SAMMSON: variants seen among roughly 807,000 people sequenced by gnomAD.
The protein encoded by SAMMSON is long intergenic non-protein coding RNA 1212.
intron 7 of SAMMSON, among the ~76,000 whole-genome samples, chr3:70,340,468 A>AT (rs1321156919): frequency 1.3e-5 from 2 of 151,972 alleles, no homozygotes; most frequent in African/African-American, 4.8e-5. Context: ...GGGAACTTGG[A>AT]TTTTTGGAAG....
In SAMMSON at chr3:70,016,433, G is replaced by A. The variant is rs542225414; in HGVS notation, n.417+2761G>A. On this transcript the variant is annotated intron_variant and non_coding_transcript_variant, in intron 3 of 9. Coordinates refer to ENST00000642114, the Ensembl canonical transcript of SAMMSON. ...CTTTCACTCACTTTGTGATGGGGTT[G>A]TTTGTTTTTTTCGTGTAACTTTGTT... Among the ~76,000 whole-genome samples the A allele has an allele frequency of 7.6e-4, 116 of 152,216 alleles. 1 individual carries two copies. Among genetic ancestry groups the A allele is most frequent in the Non-Finnish European group, 1.4e-3 (93 of 68,008 alleles).
intron 4 of SAMMSON, among the ~76,000 whole-genome samples, chr3:70,122,672 CAG>C (rs1196925793): frequency 4.6e-5 from 7 of 152,170 alleles, no homozygotes; most frequent in Admixed American, 1.3e-4. Context: ...AGCTGTGAAA[CAG>C]AAGATTTTTC....
At chr3:70,285,932 G>C (rs1377476935) in intron 6 of SAMMSON, among the ~76,000 whole-genome samples, 4 of 150,706 alleles carry the variant, frequency 2.7e-5, no homozygotes, top group Admixed American at 6.6e-5. Flanking sequence ...AAATTTGTTT[G>C]AGTTCATTGT....
At chr3:70,002,411 G>A (rs1050958085) in intron 1 of SAMMSON, among the ~76,000 whole-genome samples, 3 of 152,038 alleles carry the variant, frequency 2.0e-5, no homozygotes, top group Non-Finnish European at 4.4e-5. Flanking sequence ...GGTAATTCTC[G>A]TTGAATTTAC....
chr3:70,394,387 T>G (rs1339803228), downstream of SAMMSON, among the ~76,000 whole-genome samples: 3 of 152,108 alleles, frequency 2.0e-5, no homozygotes, highest in Admixed American at 1.3e-4. Context: ...CATGCCATAT[T>G]GGAGCCAAAA....
At position 70,153,358 on chromosome 3, in the gene SAMMSON, A is replaced by G. The variant is rs528070252; in HGVS notation, n.507+81793A>G. Among the ~76,000 whole-genome samples, 71 of 152,104 alleles carry G rather than the reference A, an allele frequency of 4.7e-4. No homozygotes were observed. In the South Asian group the frequency reaches 0.01, roughly 22 times the overall value. On this transcript the variant is annotated intron_variant and non_coding_transcript_variant, in intron 4 of 9. Coordinates refer to ENST00000642114, the Ensembl canonical transcript of SAMMSON. ...TTACAATGTCAGTGAAATTTTCCCT[A>G]TTAATGCTCAGGATTTTCTGTTTGG...
intron 2 of SAMMSON, among the ~76,000 whole-genome samples, chr3:70,406,786 G>A (rs963951982): frequency 3.9e-5 from 6 of 152,148 alleles, no homozygotes; most frequent in African/African-American, 1.2e-4. Flanking sequence ...CCTAAAAAAG[G>A]CAGTAAAAGA....
chr3:70,273,400 G>T (rs957065418), intron 6 of SAMMSON, among the ~76,000 whole-genome samples: 36 of 152,300 alleles, frequency 2.4e-4, no homozygotes, highest in East Asian at 1.9e-4. Context: ...AGTCTTAAAA[G>T]CTTCAGGATG....
At chr3:70,079,686 G>T (rs2067261165) in intron 4 of SAMMSON, among the ~76,000 whole-genome samples, 1 of 152,174 alleles carries the variant, frequency 6.6e-6, no homozygotes, top group African/African-American at 2.4e-5. Context: ...ATGTTTGGTA[G>T]GTTAGGCATA....
intron 4 of SAMMSON, among the ~76,000 whole-genome samples, chr3:70,197,800 A>T (rs1164889512): frequency 6.6e-6 from 1 of 152,122 alleles, no homozygotes; most frequent in Admixed American, 6.5e-5. Context: ...TAAAGCCTTG[A>T]TTTTATATTC....
chr3:70,404,244 T>C (rs747032447), intron 2 of SAMMSON, among the ~76,000 whole-genome samples: 3 of 152,158 alleles, frequency 2.0e-5, no homozygotes, highest in Admixed American at 6.5e-5. Flanking sequence ...TTGCTCATAT[T>C]CTTTTTGGGG....
intron 7 of SAMMSON, among the ~76,000 whole-genome samples, chr3:70,334,382 T>C (rs1006502480): frequency 3.3e-5 from 5 of 152,020 alleles, no homozygotes; most frequent in Non-Finnish European, 7.4e-5. Context: ...ATATGTGATA[T>C]ATACATGTAA....
chr3:70,182,803 A>G (rs926071608), intron 4 of SAMMSON, among the ~76,000 whole-genome samples: 1 of 152,154 alleles, frequency 6.6e-6, no homozygotes, highest in African/African-American at 2.4e-5. Flanking sequence ...TTCATTATGA[A>G]TGAACATTTA....
chr3:70,043,974 C>T (rs2067114834), intron 3 of SAMMSON, among the ~76,000 whole-genome samples: 1 of 151,848 alleles, frequency 6.6e-6, no homozygotes, highest in Non-Finnish European at 1.5e-5. Flanking sequence ...TTTAGGTATT[C>T]CTTTTTTGTT....
At chr3:70,210,601 A>T (rs866559055) in intron 4 of SAMMSON, among the ~76,000 whole-genome samples, 2 of 152,180 alleles carry the variant, frequency 1.3e-5, no homozygotes, top group Non-Finnish European at 2.9e-5. Flanking sequence ...AAGTAGAAAC[A>T]TAAAAAGTAG....
At chr3:70,046,817 A>G (rs988259165) in intron 3 of SAMMSON, among the ~76,000 whole-genome samples, 2 of 152,090 alleles carry the variant, frequency 1.3e-5, no homozygotes, top group Non-Finnish European at 2.9e-5. Flanking sequence ...GAAGTGGCCC[A>G]CATTCTTTGT....
chr3:70,361,665 T>C (rs1346354090), intron 9 of SAMMSON, among the ~76,000 whole-genome samples: 1 of 152,148 alleles, frequency 6.6e-6, no homozygotes, highest in Non-Finnish European at 1.5e-5. Context: ...AAATACAAAG[T>C]TGTGCATACT....
At chr3:70,206,907 CAAAT>C (rs958268032) in intron 4 of SAMMSON, 47 of 393,628 alleles carry the variant, frequency 1.2e-4, no homozygotes, top group Non-Finnish European at 7.2e-5. Context: ...CTTAAGAAAA[CAAAT>C]GAAGTATTAT....
intron 3 of SAMMSON, among the ~76,000 whole-genome samples, chr3:70,025,651 G>A (rs1165579606): frequency 1.3e-5 from 2 of 152,202 alleles, no homozygotes; most frequent in Admixed American, 1.3e-4. Context: ...CAACATGGGA[G>A]TTTGGGGCAC....
Sources: allele counts gnomAD v4.1 joint callset (sites outside exome capture counted in the v4.1 genomes callset), GRCh38; gene constraint gnomAD v4.1.1; transcripts MANE v1.5; gene names NCBI Gene and HGNC (gene_info 2026-07-23, HGNC 2026-07-21).